The following PAK4 variants were observed in gnomAD, a reference collection of about 807,000 sequenced individuals.
PAK4 encodes serine/threonine-protein kinase PAK 4.
Under a neutral mutation model 53.5 loss-of-function variants are expected in PAK4, and 49 were observed. That is an observed-to-expected ratio of 0.92 (90% CI 0.73 to 1.16). PAK4 has a LOEUF of 1.16. Among genes scored for constraint, PAK4 ranks in the 50% most tolerant of loss-of-function variants. PAK4 has a pLI of 0.00. For synonymous variants in PAK4, 376 were observed against 375.6 expected, an observed-to-expected ratio of 1.00 and a Z score of -0.01; for missense variants, 824 against 850.7, an observed-to-expected ratio of 0.97 and a Z score of 0.39.
At chr19:39,176,569 A>G (rs778733601) in intron 6 of PAK4, 21 bp from the exon 8 acceptor site, 28 of 1,613,374 alleles carry the variant, frequency 1.7e-5, no homozygotes, top group Non-Finnish European at 2.4e-5. Context: ...CTCTGACCCC[A>G]CTGCCTCTGC....
Position 39,173,256 on chromosome 19 carries a change from C to G in PAK4, c.543C>G (p.Ser181=). ...CCTCCCGGGACAAACGCCCCCTCTC[C>G]GGGCCTGATGTCGGCACCCCCCAGC... The change falls in exon 3 of 9, where the codon TCC becomes TCG. Residue 181 remains serine (S), a synonymous_variant. Coordinates refer to ENST00000358301, the Ensembl canonical transcript of PAK4. The surrounding 1 kb of genome is among the most constrained non-coding windows in gnomAD (Gnocchi z 6.9). 6.9e-6 allele frequency: 11 copies of G among 1,592,624 alleles called. No individual in the cohort carries two copies. Among genetic ancestry groups the G allele is most frequent in the Non-Finnish European group, 7.7e-6 (9 of 1,170,668 alleles).
rs369318453 is a variant in PAK4, at chr19:39,173,747, G to A, written c.835G>A (p.Ala279Thr). ...GCTGGCCCCTCCAGCCTGCACCCCCGCCGCCCCTGCTGTTCCTGGGCCCCC... is the reference window on the plus strand; with the variant it reads ...GCTGGCCCCTCCAGCCTGCACCCCCACCGCCCCTGCTGTTCCTGGGCCCCC... The change falls in exon 4 of 9, where the codon GCC becomes ACC. Residue 279 changes from alanine to threonine, a missense_variant. Transcript: ENST00000358301. This position sits in a 1 kb window ranked among gnomAD's most constrained non-coding sequence, Gnocchi z 6.9. 1.7e-5 allele frequency: 27 copies of A among 1,574,106 alleles called. No individual in the cohort carries two copies. Among genetic ancestry groups the A allele is most frequent in the Middle Eastern group, 1.7e-4 (1 of 5,770 alleles).
chr19:39,173,458 C>T lies in PAK4; in HGVS notation c.663+82C>T. ...CCCACCTTCCAGCCCCGCCCCACCA[C>T]CGTGCATCTCATCCTGACCACCCAT... On this transcript the variant is annotated intron_variant, in intron 3 of 8. Coordinates refer to ENST00000358301, the Ensembl canonical transcript of PAK4. The surrounding 1 kb of genome is among the most constrained non-coding windows in gnomAD (Gnocchi z 6.9). 2 of 1,341,230 alleles carry T rather than the reference C, an allele frequency of 1.5e-6. No homozygotes were observed. The highest frequency in any genetic ancestry group is 2.0e-6 in the Non-Finnish European group (2 of 990,062). 83.1% of individuals were successfully genotyped at this position (1,341,230 alleles called of 1,614,324 possible).
chr19:39,175,354 G>T lies in PAK4; in HGVS notation c.1275G>T (p.Leu425=), dbSNP rs2144869566. The change falls in exon 6 of 9, where the codon CTG becomes CTT. Residue 425 remains leucine, a synonymous_variant. Transcript: ENST00000358301. This position sits in a 1 kb window ranked among gnomAD's most constrained non-coding sequence, Gnocchi z 4.7. ...TCGCGGCCGTGTGCCTTGCAGTGCT[G>T]CAGGCCCTGTCGGTGCTCCACGCCC... 1 of 1,602,802 alleles carries T rather than the reference G, an allele frequency of 6.2e-7. No individual in the cohort carries two copies. The highest frequency in any genetic ancestry group is 8.5e-7 in the Non-Finnish European group (1 of 1,175,622).
intron 1 of PAK4, among the ~76,000 whole-genome samples, chr19:39,154,162 T>A (rs2074138104): frequency 6.6e-6 from 1 of 152,140 alleles, no homozygotes; most frequent in African/African-American, 2.4e-5. Context: ...GTTTCTAGTC[T>A]CTTCTCGCGT....
chr19:39,152,089 T>C (rs12984418), intron 1 of PAK4: 35,737 of 151,580 alleles, frequency 0.24, 4,617 homozygotes, highest in East Asian at 0.45. Context: ...TGCACCATTC[T>C]GAGTTATCGT....
At chr19:39,182,813 T>C (rs892012), downstream of PAK4, 43,217 of 144,686 alleles carry the variant, frequency 0.3, 6,904 homozygotes, top group Middle Eastern at 0.39. Context: ...AGTGAGATTC[T>C]GTCAAAAAAA....
At chr19:39,176,853 G>T in intron 7 of PAK4, 138 bp downstream of exon 8, 1 of 998,320 alleles carries the variant, frequency 1.0e-6, no homozygotes, top group Non-Finnish European at 1.5e-6. Context: ...AGGTACTGCA[G>T]GCATGCATGT....
intron 1 of PAK4, among the ~76,000 whole-genome samples, chr19:39,149,454 G>T (rs886989096): frequency 1.3e-5 from 2 of 152,196 alleles, no homozygotes; most frequent in African/African-American, 2.4e-5. Flanking sequence ...AATACAAAGA[G>T]ACAGAAAGCA....
At position 39,175,977 on chromosome 19, in the gene PAK4, G is replaced by C. The variant is rs1293788564; in HGVS notation, c.1359+539G>C. ...TCCAGGCAGAGGCAGAGAGAGCTCT[G>C]TGTCACTGACAGTCTGAAAATCTCC... On this transcript the variant is annotated intron_variant, in intron 6 of 8. Transcript: ENST00000358301. This position sits in a 1 kb window ranked among gnomAD's most constrained non-coding sequence, Gnocchi z 4.7. Among the ~76,000 whole-genome samples, 1 of 152,222 alleles carries C rather than the reference G, an allele frequency of 6.6e-6. No individual in the cohort carries two copies. The highest frequency in any genetic ancestry group is 1.5e-5 in the Non-Finnish European group (1 of 68,036).
At chr19:39,127,026 G>A (rs1568492188) in intron 1 of PAK4, among the ~76,000 whole-genome samples, 1 of 152,200 alleles carries the variant, frequency 6.6e-6, no homozygotes, top group East Asian at 1.9e-4. Context: ...CTCCCTGGGC[G>A]GATCGGATTG....
chr19:39,176,591 T>C (rs556103177), exon 7 of PAK4: 1 of 1,613,728 alleles, frequency 6.2e-7, no homozygotes, highest in African/African-American at 1.3e-5. Flanking sequence ...CTGTCCCAGG[T>C]GAAGCTGTCA....
rs752728193 is a variant in PAK4 at position 39,130,366 on chromosome 19, GGA to G, written c.-23+4448_-23+4449del. 5.9e-5 allele frequency among the ~76,000 whole-genome samples: 9 copies of G among 152,228 alleles called. No individual in the cohort carries two copies. The East Asian group carries it at 1.2e-3, about 20-fold the overall frequency. On this transcript the variant is annotated intron_variant, in intron 1 of 8. Coordinates refer to ENST00000358301, the Ensembl canonical transcript of PAK4. ...GGGGCACAGAGAGGGATTGGGACTGGGATGGAGGCGCAGGGACCGTAGGAAGC... is the reference window on the plus strand; with the variant it reads ...GGGGCACAGAGAGGGATTGGGACTGGTGGAGGCGCAGGGACCGTAGGAAGC...
chr19:39,129,373 G>A (rs1307670675), intron 1 of PAK4, among the ~76,000 whole-genome samples: 3 of 151,976 alleles, frequency 2.0e-5, no homozygotes, highest in Non-Finnish European at 4.4e-5. Flanking sequence ...AGCTATAACC[G>A]TGCAGCAGTG....
intron 1 of PAK4, among the ~76,000 whole-genome samples, chr19:39,150,724 T>TA (rs1488420697): frequency 3.1e-4 from 47 of 151,866 alleles, no homozygotes; most frequent in Admixed American, 2.1e-3. Flanking sequence ...ACCTTGTCTC[T>TA]AAAAAAAATA....
chr19:39,126,267 G>C (rs1000464452), intron 1 of PAK4, among the ~76,000 whole-genome samples: 12 of 152,118 alleles, frequency 7.9e-5, no homozygotes, highest in African/African-American at 2.9e-4. Flanking sequence ...GGGGCGCCAG[G>C]TTGGAGGTTT....
chr19:39,171,612 C>T (rs1347948050), intron 2 of PAK4, among the ~76,000 whole-genome samples: 4 of 152,254 alleles, frequency 2.6e-5, no homozygotes, highest in Admixed American at 2.6e-4. Context: ...AGAGACAGGG[C>T]AGCGGCAGAC....
intron 1 of PAK4, among the ~76,000 whole-genome samples, chr19:39,139,532 C>T (rs2073876514): frequency 6.6e-6 from 1 of 152,184 alleles, no homozygotes; most frequent in Non-Finnish European, 1.5e-5. Context: ...GGCCTGACTT[C>T]ATTCCTTGCA....
chr19:39,163,909 A>G (rs1239307880), intron 1 of PAK4, among the ~76,000 whole-genome samples: 1 of 152,186 alleles, frequency 6.6e-6, no homozygotes, highest in Admixed American at 6.5e-5. Flanking sequence ...GCCCTGGGCT[A>G]CGAGGGGGTA....
Sources: gnomAD v4.1 joint callset for allele counts (sites outside exome capture counted in the v4.1 genomes callset) on GRCh38, gnomAD v4.1.1 for gene constraint, Gnocchi (gnomAD v3.1) non-coding constraint, MANE v1.5 for transcripts, NCBI Gene and HGNC (gene_info 2026-07-23, HGNC 2026-07-21) for gene names.